The following CNTN5 variants were observed in gnomAD, a reference collection of about 807,000 sequenced individuals.
CNTN5 encodes the protein contactin 5, also known as contactin-5.
Under a neutral mutation model 129.1 loss-of-function variants are expected in CNTN5, and 77 were observed. The observed-to-expected ratio is 0.60, with a 90% CI of 0.50 to 0.72. CNTN5 has a LOEUF of 0.72. Ranked by LOEUF, CNTN5 falls within the 30% of genes least tolerant of loss-of-function variation. CNTN5 has a pLI of 0.00. For missense variants in CNTN5, 1,478 were observed against 1,328.8 expected, an observed-to-expected ratio of 1.11 and a Z score of -1.75; for synonymous variants, 509 against 465.6, an observed-to-expected ratio of 1.09 and a Z score of -1.20.
chr11:99,579,289 C>T (rs1174432593), intron 3 of CNTN5, among the ~76,000 whole-genome samples: 4 of 150,608 alleles, frequency 2.7e-5, no homozygotes, highest in Non-Finnish European at 6.0e-5. Context: ...GTTCTTTTGG[C>T]TTAGGATTGA....
chr11:100,213,624 C>A (rs1388129756), intron 15 of CNTN5, among the ~76,000 whole-genome samples: 1 of 152,078 alleles, frequency 6.6e-6, no homozygotes, highest in African/African-American at 2.4e-5. Context: ...GTGTCCTTGA[C>A]CTTGAACTTT....
intron 13 of CNTN5, among the ~76,000 whole-genome samples, chr11:100,138,930 G>A (rs1054519804): frequency 1.2e-4 from 18 of 152,080 alleles, no homozygotes; most frequent in East Asian, 7.7e-4. Flanking sequence ...CTTTCTAGAC[G>A]TATTTGGAAG....
At chr11:99,829,626 A>G (rs1445296892) in intron 4 of CNTN5, among the ~76,000 whole-genome samples, 2 of 152,216 alleles carry the variant, frequency 1.3e-5, no homozygotes, top group East Asian at 1.9e-4. Context: ...ATTTTGGATA[A>G]TAGCTTTGAT....
intron 2 of CNTN5, among the ~76,000 whole-genome samples, chr11:99,331,098 T>C (rs1865981814): frequency 6.6e-6 from 1 of 152,044 alleles, no homozygotes; most frequent in South Asian, 2.1e-4. Flanking sequence ...CTTCCCTCAA[T>C]TGGTTTTATT....
chr11:99,824,665 C>A (rs915943204), intron 4 of CNTN5, among the ~76,000 whole-genome samples: 1 of 151,612 alleles, frequency 6.6e-6, no homozygotes, highest in African/African-American at 2.4e-5. Flanking sequence ...CCCTTTTTAC[C>A]TTAAATTTTT....
intron 18 of CNTN5, among the ~76,000 whole-genome samples, chr11:100,275,735 C>G (rs1950496197): frequency 6.6e-6 from 1 of 152,140 alleles, no homozygotes. Context: ...CCATTAAAAT[C>G]TTATGGAAGA....
At chr11:100,015,041 C>T (rs1422714353) in intron 9 of CNTN5, among the ~76,000 whole-genome samples, 1 of 152,058 alleles carries the variant, frequency 6.6e-6, no homozygotes, top group African/African-American at 2.4e-5. Context: ...GTTTGATTAC[C>T]ATAAATGTCT....
chr11:99,924,966 G>T (rs1032429473), intron 7 of CNTN5, among the ~76,000 whole-genome samples: 6 of 152,152 alleles, frequency 3.9e-5, no homozygotes, highest in Admixed American at 3.3e-4. Flanking sequence ...GATAGGAAAA[G>T]ATTAGTTGAG....
chr11:100,257,418 C>A (rs527753243), intron 17 of CNTN5, among the ~76,000 whole-genome samples: 5 of 152,316 alleles, frequency 3.3e-5, no homozygotes, highest in African/African-American at 7.2e-5. Context: ...GATCTCCCAG[C>A]GCAGCGCTCA....
At chr11:99,143,086 G>A (rs1165699406) in intron 1 of CNTN5, among the ~76,000 whole-genome samples, 1 of 151,992 alleles carries the variant, frequency 6.6e-6, no homozygotes, top group East Asian at 1.9e-4. Flanking sequence ...CTCAGTGAGA[G>A]TTCCTTCTGG....
At chr11:99,036,331 A>G (rs10892671) in intron 1 of CNTN5, among the ~76,000 whole-genome samples, 50,489 of 151,648 alleles carry the variant, frequency 0.33, 9,719 homozygotes, top group East Asian at 0.56. Flanking sequence ...ATGGAGTTTC[A>G]CTCCCTCAGA....
At chr11:100,005,242 ATAAG>A in intron 9 of CNTN5, among the ~76,000 whole-genome samples, 1 of 152,296 alleles carries the variant, frequency 6.6e-6, no homozygotes, top group East Asian at 1.9e-4. Flanking sequence ...TCAAAAATAA[ATAAG>A]TTATTTATGC....
chr11:99,581,761 A>G lies in CNTN5; in HGVS notation c.55+25492A>G, dbSNP rs1200836924. On this transcript the variant is annotated intron_variant, in intron 3 of 24. Coordinates refer to ENST00000524871, the MANE Select transcript of CNTN5 (RefSeq NM_014361.4). ...GAGATGGGTTTCCTGAATACAGCAC[A>G]CTGTATTTTCTTTATCCAATTTTCC... Among the ~76,000 whole-genome samples the G allele has an allele frequency of 3.3e-5, 5 of 151,798 alleles. No homozygotes were observed. The East Asian group carries it at 7.8e-4, about 24-fold the overall frequency.
chr11:99,275,604 G>T (rs1472937596), intron 1 of CNTN5, among the ~76,000 whole-genome samples: 1 of 151,622 alleles, frequency 6.6e-6, no homozygotes, highest in Non-Finnish European at 1.5e-5. Context: ...TCATGAATCT[G>T]TGAGCAGTTT....
At chr11:100,192,719 GT>G (rs1948528215) in intron 14 of CNTN5, among the ~76,000 whole-genome samples, 1 of 151,918 alleles carries the variant, frequency 6.6e-6, no homozygotes, top group South Asian at 2.1e-4. Flanking sequence ...TGTAAAGCCT[GT>G]TTTAGCCTTT....
intron 13 of CNTN5, among the ~76,000 whole-genome samples, chr11:100,156,603 T>C (rs1288919286): frequency 6.6e-6 from 1 of 152,096 alleles, no homozygotes; most frequent in Non-Finnish European, 1.5e-5. Flanking sequence ...GTACCTCTGG[T>C]AGAATTTGGC....
chr11:99,695,276 A>G (rs1377886616), intron 3 of CNTN5, among the ~76,000 whole-genome samples: 5 of 151,970 alleles, frequency 3.3e-5, no homozygotes, highest in African/African-American at 1.2e-4. Flanking sequence ...AGAAAGATAT[A>G]TTCATTTCTA....
intron 1 of CNTN5, among the ~76,000 whole-genome samples, chr11:99,070,800 T>C (rs1456003973): frequency 6.6e-6 from 1 of 152,040 alleles, no homozygotes; most frequent in Non-Finnish European, 1.5e-5. Flanking sequence ...AACTTCAACA[T>C]TAATATAATT....
intron 2 of CNTN5, among the ~76,000 whole-genome samples, chr11:99,463,148 A>AAATAAATAAATAAAT (rs756861193): frequency 0.032 from 2,149 of 67,406 alleles, 24 homozygotes; most frequent in Middle Eastern, 0.062. Context: ...AATAAATAAA[A>AAATAAATAAATAAAT]GTAAAAAAGT....
Sources: gnomAD v4.1 joint callset for allele counts (sites outside exome capture counted in the v4.1 genomes callset) on GRCh38, gnomAD v4.1.1 for gene constraint, MANE v1.5 for transcripts, NCBI Gene and HGNC (gene_info 2026-07-23, HGNC 2026-07-21) for gene names.